The following TCTN1 variants were observed in gnomAD, a reference collection of about 807,000 sequenced individuals.
TCTN1 encodes tectonic family member 1.
A neutral mutation model predicts 65.8 loss-of-function variants in TCTN1; 58 were observed. The ratio of observed to expected loss-of-function variants is 0.88; its 90% CI spans 0.71 to 1.10. The LOEUF is 1.10. Ranked by LOEUF, TCTN1 falls within the 50% of genes least tolerant of loss-of-function variation. The pLI, the probability that TCTN1 is intolerant of heterozygous loss-of-function variation, is 0.00. For missense variants in TCTN1, 645 were observed against 719.4 expected (o/e 0.90, Z 1.18); for synonymous variants, 273 against 289.1 (o/e 0.94, Z 0.57).
chr12:110,637,561 G>C (rs2066660153), intron 7 of TCTN1, among the ~76,000 whole-genome samples: 1 of 152,158 alleles, frequency 6.6e-6, no homozygotes, highest in South Asian at 2.1e-4. Flanking sequence ...GTCTGAAGTG[G>C]AACCCTCTCT....
At chr12:110,637,702 A>G (rs1229304665) in intron 7 of TCTN1, among the ~76,000 whole-genome samples, 1 of 152,108 alleles carries the variant, frequency 6.6e-6, no homozygotes, top group East Asian at 1.9e-4. Context: ...GCTCCCAGGA[A>G]TGCAGTGTGA....
At chr12:110,622,093 C>T (rs1288439483) in intron 2 of TCTN1, among the ~76,000 whole-genome samples, 2 of 151,486 alleles carry the variant, frequency 1.3e-5, no homozygotes, top group Non-Finnish European at 2.9e-5. Context: ...GCCAAGATCG[C>T]ACCATTGCAC....
Position 110,647,209 on chromosome 12 carries a change from A to C in TCTN1, c.1508A>C (p.Gln503Pro), listed in dbSNP as rs767823912. ...ATGGATTAACAGCATTTTGTTTTGC[A>C]GGATTCCTGCCAGCTCCCAGGGGCT... ...QSFNRKHFVL[Q>P]DSCQLPGALV... Residue 503 changes from glutamine to proline, a missense_variant, in exon 13 of 15, where the codon CAG becomes CCG. Transcript: ENST00000397659. 14 of 1,614,110 alleles carry C rather than the reference A, an allele frequency of 8.7e-6. No individual in the cohort carries two copies. Among genetic ancestry groups the C allele is most frequent in the Non-Finnish European group, 1.2e-5 (14 of 1,180,044 alleles).
chr12:110,644,510 T>C lies in TCTN1; in HGVS notation c.1332-457T>C, dbSNP rs2067170254. The C allele has an allele frequency of 1.2e-5, 3 of 241,252 alleles. No individual in the cohort carries two copies. In the South Asian group the frequency reaches 1.5e-4, roughly 12 times the overall value. 14.9% of individuals were successfully genotyped at this position (241,252 alleles called of 1,614,324 possible). ...GGCCAACATGGTGAAACCCCGTCTCTACTAAAAATACAAAAAAATTAGCCA... is the reference window on the plus strand; with the variant it reads ...GGCCAACATGGTGAAACCCCGTCTCCACTAAAAATACAAAAAAATTAGCCA... On this transcript the variant is annotated intron_variant, in intron 11 of 14. Transcript: ENST00000397659. This position sits in a 1 kb window ranked among gnomAD's most constrained non-coding sequence, Gnocchi z 4.6.
At chr12:110,628,324 G>A in intron 3 of TCTN1, 11 of 1,188,144 alleles carry the variant, frequency 9.3e-6, no homozygotes, top group Non-Finnish European at 1.2e-5. Flanking sequence ...TGGGAGAAGT[G>A]AATATGGAAA....
intron 10 of TCTN1, chr12:110,641,878 C>CTT: frequency 5.3e-5 from 24 of 454,910 alleles, no homozygotes; most frequent in East Asian, 1.1e-4. Context: ...TTTTAATCTC[C>CTT]TTTTTTTTTT....
At chr12:110,629,103 A>G (rs1272316722) in intron 4 of TCTN1, 185 bp downstream of exon 4, 1 of 711,666 alleles carries the variant, frequency 1.4e-6, no homozygotes, top group Admixed American at 2.7e-5. Flanking sequence ...TTGAAGATGG[A>G]TTAAAGACTT....
At chr12:110,627,702 C>A in intron 3 of TCTN1, 52 of 419,698 alleles carry the variant, frequency 1.2e-4, no homozygotes, top group Admixed American at 1.2e-4. Flanking sequence ...GTTTCTATTT[C>A]CTTTTTTCTT....
intron 4 of TCTN1, 54 bp downstream of exon 4, chr12:110,628,972 T>C: frequency 1.2e-6 from 2 of 1,604,400 alleles, no homozygotes; most frequent in Non-Finnish European, 1.7e-6. Flanking sequence ...TCTTTCCTTG[T>C]AAGTTAATTT....
At chr12:110,643,460 A>G (rs1053142862) in intron 11 of TCTN1, 4 of 152,144 alleles carry the variant, frequency 2.6e-5, no homozygotes, top group Non-Finnish European at 5.9e-5. Flanking sequence ...CAACTCTTGT[A>G]GCTGTTTTTT....
At chr12:110,636,181 G>A (rs866836098) in intron 6 of TCTN1, 17 of 374,718 alleles carry the variant, frequency 4.5e-5, no homozygotes, top group South Asian at 1.2e-4. Flanking sequence ...GCTTATGGCC[G>A]TGAGACCATG....
chr12:110,641,542 G>A lies in TCTN1; in HGVS notation c.1105G>A (p.Glu369Lys), dbSNP rs1205516520. 6.2e-7 allele frequency: 1 copy of A among 1,613,952 alleles called. No homozygotes were observed. The highest frequency in any genetic ancestry group is 2.2e-5 in the East Asian group (1 of 44,896). The change falls in exon 10 of 15, where the codon GAA becomes AAA. Residue 369 changes from glutamate to lysine, a missense_variant and splice_region_variant. By Grantham distance (56) the Glu-to-Lys change is moderately conservative (BLOSUM62 1). Coordinates refer to ENST00000397659, the MANE Select transcript of TCTN1 (RefSeq NM_001082538.3). The part of the protein sequence containing the change: ...QQKFEIHFLQ[E>K]NTQPVPLSGN... ...GGGGCATTTCTGCATTGTCTTTCAGGAAAATACCCAGCCAGTCCCTCTCAG... is the reference window on the plus strand; with the variant it reads ...GGGGCATTTCTGCATTGTCTTTCAGAAAAATACCCAGCCAGTCCCTCTCAG...
At chr12:110,634,288 G>A in intron 5 of TCTN1, 1 of 415,472 alleles carries the variant, frequency 2.4e-6, no homozygotes, top group Admixed American at 2.6e-5. Flanking sequence ...TGGTAGCTGG[G>A]GGGCAGGACA....
chr12:110,648,362 T>TTCTA (rs1412045736), intron 14 of TCTN1, among the ~76,000 whole-genome samples: 4 of 152,326 alleles, frequency 2.6e-5, no homozygotes, highest in South Asian at 4.1e-4. Context: ...GGAAATGTTA[T>TTCTA]TCTATCTGAC....
chr12:110,636,468 T>C lies in TCTN1; in HGVS notation c.823-13T>C, dbSNP rs756432423. 5.8e-6 allele frequency: 8 copies of C among 1,369,186 alleles called. No homozygotes were observed. Among genetic ancestry groups the C allele is most frequent in the Non-Finnish European group, 8.3e-6 (8 of 968,820 alleles). The allele number at this position is 1,369,186 out of a possible 1,614,324, so 84.8% of individuals were successfully genotyped here. On this transcript the variant is annotated splice_polypyrimidine_tract_variant and intron_variant, in intron 6 of 14. Transcript: ENST00000397659. ...GTACTTAACACAATTTTTTGTGGTT[T>C]CTTTTTATCTAGGTACCTGATTCAA...
intron 2 of TCTN1, chr12:110,626,004 G>A (rs1218893680): frequency 1.5e-5 from 3 of 194,342 alleles, no homozygotes; most frequent in Admixed American, 5.7e-5. Flanking sequence ...CGCCTACCTC[G>A]GCCTCCCAAA....
intron 12 of TCTN1, chr12:110,646,370 A>G (rs1222626216): frequency 6.6e-6 from 1 of 152,092 alleles, no homozygotes; most frequent in Non-Finnish European, 1.5e-5. Context: ...TGAGGTTTTC[A>G]TATCCTGAAG....
In TCTN1 at chr12:110,616,498, G is replaced by A. The variant is rs2065045860; in HGVS notation, c.220+2096G>A. 19 of 245,246 alleles carry A rather than the reference G, an allele frequency of 7.7e-5. 1 individual carries two copies. The South Asian group carries it at 8.2e-4, about 11-fold the overall frequency. The allele number at this position is 245,246 out of a possible 1,614,324, so 15.2% of individuals were successfully genotyped here. A position where few individuals can be genotyped will look rare whatever the true frequency, so the allele number is the denominator to read the frequency against. ...CTGGCCTCAAGTGATTGCCCACCTA[G>A]GCCTCCCATAGTGTTAGGATTACAG... On this transcript the variant is annotated intron_variant, in intron 1 of 14. Transcript: ENST00000397659.
intron 7 of TCTN1, among the ~76,000 whole-genome samples, chr12:110,637,199 C>T (rs529709465): frequency 7.2e-5 from 11 of 152,300 alleles, no homozygotes; most frequent in South Asian, 4.1e-4. Context: ...ATTTTCTTGT[C>T]GGACTGACAC....
Sources: allele counts gnomAD v4.1 joint callset (sites outside exome capture counted in the v4.1 genomes callset), GRCh38; gene constraint gnomAD v4.1.1; non-coding constraint Gnocchi (gnomAD v3.1); transcripts MANE v1.5; gene names NCBI Gene and HGNC (gene_info 2026-07-23, HGNC 2026-07-21).